Variants in DOT1L observed in about 807,000 individuals in gnomAD.
The protein encoded by DOT1L is DOT1 like histone lysine methyltransferase, also known as histone-lysine N-methyltransferase, H3 lysine-79 specific.
DOT1L carries 33 observed loss-of-function variants against 153.3 expected under a neutral mutation model. The observed-to-expected ratio is 0.22, with a 90% CI of 0.16 to 0.29. DOT1L has a LOEUF of 0.29. Among genes scored for constraint, DOT1L ranks in the 10% least tolerant of loss-of-function variants. The pLI is 1.00. For missense variants in DOT1L, 1,847 were observed against 2,119.9 expected (o/e 0.87, Z 2.53); for synonymous variants, 1,135 against 965.1 (o/e 1.18, Z -3.26).
rs920208132 is a variant in DOT1L at position 2,197,432 on chromosome 19, C to T, written c.652-2452C>T. Among the ~76,000 whole-genome samples the T allele has an allele frequency of 4.6e-5, 7 of 152,234 alleles. No homozygotes were observed. Among genetic ancestry groups the T allele is most frequent in the African/African-American group, 1.4e-4 (6 of 41,458 alleles). On this transcript the variant is annotated intron_variant, in intron 7 of 27. Transcript: ENST00000398665. The surrounding 1 kb of genome is among the most constrained non-coding windows in gnomAD (Gnocchi z 4.1). ...GGCCAGGAGGGCGCCATGGTGCCTT[C>T]CTCCGCGCGGTCTGGCTGGGCTGAG...
Position 2,227,796 on chromosome 19 carries a change from C to T in DOT1L, c.4606+669C>T, listed in dbSNP as rs867967416. 4.6e-6 allele frequency: 6 copies of T among 1,309,392 alleles called. 1 individual carries two copies. In the African/African-American group the frequency reaches 6.1e-5, roughly 13 times the overall value. The allele number at this position is 1,309,392 out of a possible 1,614,324, so 81.1% of individuals were successfully genotyped here. On this transcript the variant is annotated intron_variant, in intron 27 of 27. Transcript: ENST00000398665. ...TCATCCGTTTGGAGCCCGTGTCGGC[C>T]GCGGGGCTGCATGTGGCAGCGCCAC...
chr19:2,186,210 A>G (rs911524605), intron 3 of DOT1L, among the ~76,000 whole-genome samples: 3 of 152,240 alleles, frequency 2.0e-5, no homozygotes, highest in Non-Finnish European at 4.4e-5. Flanking sequence ...CTCTTTTTAT[A>G]GCGGGCGGCT....
In DOT1L at chr19:2,191,004, G is replaced by A. The variant is rs374436091; in HGVS notation, c.265-8G>A. The A allele has an allele frequency of 2.1e-4, 339 of 1,587,952 alleles. 1 individual carries two copies. The highest frequency in any genetic ancestry group is 5.0e-4 in the Middle Eastern group (3 of 6,056). On this transcript the variant is annotated splice_region_variant and splice_polypyrimidine_tract_variant and intron_variant, in intron 4 of 27. Transcript: ENST00000398665. The surrounding 1 kb of genome is among the most constrained non-coding windows in gnomAD (Gnocchi z 6.8). ...ATGTGACATGGCCGGGCCACCCTCC[G>A]TCCGCAGTGGAAGGGCACCACGCAG...
chr19:2,198,062 A>T (rs2023093455), intron 7 of DOT1L, among the ~76,000 whole-genome samples: 1 of 152,174 alleles, frequency 6.6e-6, no homozygotes, highest in Non-Finnish European at 1.5e-5. Context: ...CTCCAGAGGG[A>T]AGCAGGGTTG....
chr19:2,213,830 C>G lies in DOT1L; in HGVS notation c.1660-19C>G. On this transcript the variant is annotated intron_variant, in intron 17 of 27. Transcript: ENST00000398665. ...TTGGAGGCCACCAGCATGACCTCTC[C>G]CCCGCCCCATGTCCCCAGCTGGGTG... 6.2e-7 allele frequency: 1 copy of G among 1,612,926 alleles called. No individual in the cohort carries two copies. Among genetic ancestry groups the G allele is most frequent in the Non-Finnish European group, 8.5e-7 (1 of 1,179,898 alleles).
At chr19:2,214,142 C>T (rs2023817216) in intron 18 of DOT1L, 156 bp downstream of exon 18, 8 of 1,291,514 alleles carry the variant, frequency 6.2e-6, no homozygotes, top group Middle Eastern at 2.7e-4. Context: ...TTGTCGAGCG[C>T]GTCACAGCAG....
rs1490556715 is a variant in DOT1L at position 2,197,865 on chromosome 19, A to T, written c.652-2019A>T. On this transcript the variant is annotated intron_variant, in intron 7 of 27. Transcript: ENST00000398665. This position sits in a 1 kb window ranked among gnomAD's most constrained non-coding sequence, Gnocchi z 4.1. ...CGGAGGGTGGGTCAGAGAGGCTTCC[A>T]CCTGACTGTTCCCTGCCCTTTCTGA... is the stretch of plus-strand genomic sequence containing the variant. Among the ~76,000 whole-genome samples the T allele has an allele frequency of 6.6e-6, 1 of 152,048 alleles. No individual in the cohort carries two copies. The highest frequency in any genetic ancestry group is 2.4e-5 in the African/African-American group (1 of 41,386).
At chr19:2,224,419 A>G (rs916713841) in intron 25 of DOT1L, among the ~76,000 whole-genome samples, 4 of 150,158 alleles carry the variant, frequency 2.7e-5, no homozygotes, top group Non-Finnish European at 5.9e-5. Context: ...GATTCTAGCC[A>G]TCCGAGTCGT....
At chr19:2,201,832 C>T (rs1282368916) in intron 8 of DOT1L, among the ~76,000 whole-genome samples, 2 of 152,258 alleles carry the variant, frequency 1.3e-5, no homozygotes, top group African/African-American at 4.8e-5. Context: ...AGCCCCAGCC[C>T]TAGGCTCAGC....
intron 2 of DOT1L, among the ~76,000 whole-genome samples, chr19:2,181,470 C>T (rs1221395804): frequency 5.3e-5 from 8 of 152,222 alleles, no homozygotes; most frequent in Non-Finnish European, 1.5e-5. Flanking sequence ...CCGGGTGGCT[C>T]TGTGCCAGGC....
In DOT1L at chr19:2,207,736, A is replaced by C; in HGVS notation, c.963+56A>C. 1 of 1,449,348 alleles carries C rather than the reference A, an allele frequency of 6.9e-7. No individual in the cohort carries two copies. The highest frequency in any genetic ancestry group is 1.4e-5 in the African/African-American group (1 of 71,270). The allele number at this position is 1,449,348 out of a possible 1,614,324, so 89.8% of individuals were successfully genotyped here. A position where few individuals can be genotyped will look rare whatever the true frequency, so the allele number is the denominator to read the frequency against. ...GCCGTCCTGGTCTTCCACCCCGCCC[A>C]CGTCACACTGCTCTCTCCTTTCTCA... On this transcript the variant is annotated intron_variant, in intron 11 of 27. Coordinates refer to ENST00000398665, the MANE Select transcript of DOT1L (RefSeq NM_032482.3). This position sits in a 1 kb window ranked among gnomAD's most constrained non-coding sequence, Gnocchi z 4.5.
intron 23 of DOT1L, chr19:2,221,327 T>C (rs1360193438): frequency 1.3e-5 from 2 of 153,376 alleles, no homozygotes; most frequent in East Asian, 3.8e-4. Flanking sequence ...CTCGCAGGGC[T>C]GGGTTGTGCC....
chr19:2,229,862 CGCCGGCCT>C lies in DOT1L; in HGVS notation c.*76_*83del. 6.2e-7 allele frequency: 1 copy of C among 1,611,084 alleles called. No homozygotes were observed. Among genetic ancestry groups the C allele is most frequent in the Non-Finnish European group, 8.5e-7 (1 of 1,179,684 alleles). ...CAACTCGCGCCCGCGGCATGGTGCC[CGCCGGCCT>C]GCCGGGCTCCCACCCCTGGACGGCA... On this transcript the variant is annotated 3_prime_UTR_variant, in exon 28 of 28. Coordinates refer to ENST00000398665, the MANE Select transcript of DOT1L (RefSeq NM_032482.3).
chr19:2,186,396 G>A (rs558016768), intron 3 of DOT1L, among the ~76,000 whole-genome samples: 1 of 152,358 alleles, frequency 6.6e-6, no homozygotes, highest in East Asian at 1.9e-4. Context: ...GGAGGGTCTT[G>A]TGGGTGGAGA....
At chr19:2,181,875 T>A (rs2022256604) in intron 2 of DOT1L, among the ~76,000 whole-genome samples, 1 of 151,948 alleles carries the variant, frequency 6.6e-6, no homozygotes, top group Non-Finnish European at 1.5e-5. Context: ...GGGCCAAGAC[T>A]CTGCTGGCGT....
Position 2,223,507 on chromosome 19 carries a change from G to T in DOT1L, c.3596+21G>T, listed in dbSNP as rs550610096. On this transcript the variant is annotated intron_variant, in intron 25 of 27. Coordinates refer to ENST00000398665, the MANE Select transcript of DOT1L (RefSeq NM_032482.3). ...GCTCGGCGAGTCCAGGGGCCCGGAG[G>T]GGGGCGGGGCCTGGCAGCAGGGGCA... 2.1e-4 allele frequency: 338 copies of T among 1,586,564 alleles called. 1 individual carries two copies. The South Asian group carries it at 3.0e-3, about 14-fold the overall frequency.
chr19:2,199,843 G>A (rs762584608), intron 7 of DOT1L, 41 bp from the exon 8 acceptor site: 22 of 1,604,308 alleles, frequency 1.4e-5, no homozygotes, highest in Non-Finnish European at 1.5e-5. Flanking sequence ...GGAGTGCCAG[G>A]GAGGCCGGGG....
At chr19:2,187,572 G>A (rs970100362) in intron 3 of DOT1L, among the ~76,000 whole-genome samples, 8 of 152,176 alleles carry the variant, frequency 5.3e-5, no homozygotes, top group African/African-American at 1.4e-4. Context: ...TCCCAGGAGC[G>A]TGCAGAGGTG....
rs2023559248 is a variant in DOT1L, at chr19:2,207,764, T to C, written c.963+84T>C. The C allele has an allele frequency of 5.4e-6, 7 of 1,295,898 alleles. No individual in the cohort carries two copies. The highest frequency in any genetic ancestry group is 7.4e-6 in the Non-Finnish European group (7 of 946,236). 80.3% of individuals were successfully genotyped at this position (1,295,898 alleles called of 1,614,324 possible). A position where few individuals can be genotyped will look rare whatever the true frequency, so the allele number is the denominator to read the frequency against. ...TCACACTGCTCTCTCCTTTCTCATG[T>C]GGCCTCTGAGACCCTCCCCTCAGAG... On this transcript the variant is annotated intron_variant, in intron 11 of 27. Transcript: ENST00000398665. The surrounding 1 kb of genome is among the most constrained non-coding windows in gnomAD (Gnocchi z 4.5).
Sources: gnomAD v4.1 joint callset for allele counts (sites outside exome capture counted in the v4.1 genomes callset) on GRCh38, gnomAD v4.1.1 for gene constraint, Gnocchi (gnomAD v3.1) non-coding constraint, MANE v1.5 for transcripts, NCBI Gene and HGNC (gene_info 2026-07-23, HGNC 2026-07-21) for gene names.